The following ELN variants were observed in gnomAD, a reference collection of about 807,000 sequenced individuals.
The protein encoded by ELN is tropoelastin.
Under a neutral mutation model 105.8 loss-of-function variants are expected in ELN, and 65 were observed. That is an observed-to-expected ratio of 0.61 (90% CI 0.50 to 0.75). The LOEUF (loss-of-function observed/expected upper bound fraction) is 0.75. ELN is among the 30% of genes least tolerant of loss of function. ELN has a pLI of 0.00. For synonymous variants in ELN, 368 were observed against 389.2 expected, an observed-to-expected ratio of 0.95 and a Z score of 0.64; for missense variants, 882 against 969.4, an observed-to-expected ratio of 0.91 and a Z score of 1.20.
At chr7:74,056,935 C>A (rs1184815473) in intron 21 of ELN, among the ~76,000 whole-genome samples, 7 of 151,816 alleles carry the variant, frequency 4.6e-5, no homozygotes, top group Non-Finnish European at 1.0e-4. Context: ...CCACCCCCCA[C>A]CCCCAGAATT....
chr7:74,049,927 ATCAATCCACC>A (rs1793580811), intron 15 of ELN, among the ~76,000 whole-genome samples: 3 of 139,162 alleles, frequency 2.2e-5, no homozygotes, highest in Non-Finnish European at 4.6e-5. Context: ...CAATCCATAC[ATCAATCCACC>A]CATCCATCAC....
intron 12 of ELN, among the ~76,000 whole-genome samples, 181 bp downstream of exon 12, chr7:74,046,948 G>A (rs1347718626): frequency 1.3e-5 from 2 of 152,212 alleles, no homozygotes; most frequent in African/African-American, 4.8e-5. Context: ...GCCAGGTGTG[G>A]TGGCATAGGC....
Position 74,043,140 on chromosome 7 carries a change from A to C in ELN, c.399A>C (p.Gly133=). 6.2e-7 allele frequency: 1 copy of C among 1,610,480 alleles called. No individual in the cohort carries two copies. The highest frequency in any genetic ancestry group is 8.5e-7 in the Non-Finnish European group (1 of 1,178,266). ...CAGGTGCGGTGGTTCCTCAGCCTGG[A>C]GCCGGAGTGAAGCCTGGGAAAGTGC... The part of the protein sequence containing the change: ...VSAGAVVPQP[G]AGVKPGKVPG... Residue 133 remains glycine (G), a synonymous_variant, in exon 8 of 33, where the codon GGA becomes GGC. Coordinates refer to ENST00000252034, the MANE Select transcript of ELN (RefSeq NM_000501.4).
rs1554687026 is a variant in ELN at position 74,063,788 on chromosome 7, C to A, written c.1993+93C>A. The A allele has an allele frequency of 1.3e-6, 2 of 1,553,446 alleles. No homozygotes were observed. The highest frequency in any genetic ancestry group is 1.4e-5 in the African/African-American group (1 of 73,448). On this transcript the variant is annotated intron_variant, in intron 29 of 32. Coordinates refer to ENST00000252034, the MANE Select transcript of ELN (RefSeq NM_000501.4). The surrounding 1 kb of genome is among the most constrained non-coding windows in gnomAD (Gnocchi z 4.1). The stretch of plus-strand genomic sequence containing the variant: ...ACAGAGACAGAGACTTTCGTTCCCA[C>A]CCCTGGCACGTCTTTGCTCAAGATG...
At chr7:74,044,880 G>A (rs974630148) in intron 9 of ELN, among the ~76,000 whole-genome samples, 5 of 152,186 alleles carry the variant, frequency 3.3e-5, no homozygotes, top group Non-Finnish European at 5.9e-5. Context: ...CCTGGTCTAC[G>A]GGCGAGTGGC....
chr7:74,056,378 G>A lies in ELN; in HGVS notation c.1258G>A (p.Val420Ile), dbSNP rs782374078. ...CGGAGGTATCCCTGGAGTCGCAGGT[G>A]TCCCTGGTGTCGGAGGTGTTCCCGG... ...GVGGIPGVAG[V>I]PGVGGVPGVG... The change falls in exon 20 of 33, where the codon GTC (valine) becomes ATC (isoleucine). Residue 420 changes from valine (V) to isoleucine (I), a missense_variant. Physicochemically the swap from Val to Ile is conservative, Grantham distance 29. Transcript: ENST00000252034. 1 of 1,613,698 alleles carries A rather than the reference G, an allele frequency of 6.2e-7. No individual in the cohort carries two copies. The highest frequency in any genetic ancestry group is 8.5e-7 in the Non-Finnish European group (1 of 1,179,712).
At position 74,043,738 on chromosome 7, in the gene ELN, C is replaced by T; in HGVS notation, c.428-141C>T. The T allele has an allele frequency of 2.8e-6, 3 of 1,075,956 alleles. No homozygotes were observed. In the East Asian group the frequency reaches 7.7e-5, roughly 28 times the overall value. The allele number at this position is 1,075,956 out of a possible 1,614,324, so 66.7% of individuals were successfully genotyped here. Reference sequence around the variant, plus strand: ...CTCGTGGGAGGAGGGTTGTGGCCACCCCACGTCTGTCCCTGGCTGCCCCTG... The same window carrying T: ...CTCGTGGGAGGAGGGTTGTGGCCACTCCACGTCTGTCCCTGGCTGCCCCTG... On this transcript the variant is annotated intron_variant, in intron 8 of 32. Transcript: ENST00000252034.
At chr7:74,067,566 G>A (rs1188705255) in intron 32 of ELN, among the ~76,000 whole-genome samples, 4 of 151,488 alleles carry the variant, frequency 2.6e-5, no homozygotes, top group East Asian at 2.0e-4. Context: ...ACGTCCGGCC[G>A]TCTCTACTAA....
chr7:74,059,941 T>G lies in ELN; in HGVS notation c.1470T>G (p.Gly490=). 1 of 1,594,444 alleles carries G rather than the reference T, an allele frequency of 6.3e-7. No homozygotes were observed. The highest frequency in any genetic ancestry group is 8.6e-7 in the Non-Finnish European group (1 of 1,162,928). ...GAGTTGGCGTGGCTCCTGGTGTCGG[T>G]GTGGCTCCTGGAGTTGGCTTGGCTC... is the stretch of plus-strand genomic sequence containing the variant. ...APGVGVAPGV[G]VAPGVGLAPG... Residue 490 remains glycine, a synonymous_variant, in exon 23 of 33, where the codon GGT becomes GGG. Transcript: ENST00000252034.
chr7:74,035,254 A>G lies in ELN; in HGVS notation c.83-110A>G, dbSNP rs938974226. ...TGCCATCAGCATTATTCTTGTTTCCATGTAATTGTGGGTTTTGCCATTGAA... is the reference window on the plus strand; with the variant it reads ...TGCCATCAGCATTATTCTTGTTTCCGTGTAATTGTGGGTTTTGCCATTGAA... On this transcript the variant is annotated intron_variant, in intron 1 of 32. Transcript: ENST00000252034. 10 of 1,026,208 alleles carry G rather than the reference A, an allele frequency of 9.7e-6. 1 individual carries two copies. The African/African-American group carries it at 1.4e-4, about 14-fold the overall frequency. The allele number at this position is 1,026,208 out of a possible 1,614,324, so 63.6% of individuals were successfully genotyped here. A position where few individuals can be genotyped will look rare whatever the true frequency, so the allele number is the denominator to read the frequency against.
Position 74,063,776 on chromosome 7 carries a change from C to T in ELN, c.1993+81C>T. On this transcript the variant is annotated intron_variant, in intron 29 of 32. Transcript: ENST00000252034. The surrounding 1 kb of genome is among the most constrained non-coding windows in gnomAD (Gnocchi z 4.1). ...ATGGAGACAGAGACAGAGACAGAGA[C>T]TTTCGTTCCCACCCCTGGCACGTCT... 3 of 1,588,154 alleles carry T rather than the reference C, an allele frequency of 1.9e-6. No homozygotes were observed. The highest frequency in any genetic ancestry group is 8.6e-7 in the Non-Finnish European group (1 of 1,157,732).
At chr7:74,050,455 TTCCA>T (rs373698578) in intron 15 of ELN, among the ~76,000 whole-genome samples, 3 of 145,548 alleles carry the variant, frequency 2.1e-5, no homozygotes, top group Non-Finnish European at 4.5e-5. Context: ...CCATTGATTC[TTCCA>T]TCCATCCATC....
chr7:74,068,924 G>A lies in ELN; in HGVS notation c.*224G>A. ...CTACTTCAGAGGCAAGGGCCATGTG[G>A]TCCTGGCCCCCCACCCCATCCCTTC... On this transcript the variant is annotated 3_prime_UTR_variant, in exon 33 of 33. Coordinates refer to ENST00000252034, the MANE Select transcript of ELN (RefSeq NM_000501.4). The A allele has an allele frequency of 1.7e-6, 1 of 596,258 alleles. No homozygotes were observed. Among genetic ancestry groups the A allele is most frequent in the Non-Finnish European group, 3.0e-6 (1 of 331,790 alleles). The allele number at this position is 596,258 out of a possible 1,614,324, so 36.9% of individuals were successfully genotyped here. A position where few individuals can be genotyped will look rare whatever the true frequency, so the allele number is the denominator to read the frequency against.
At chr7:74,067,946 A>C (rs1798324340) in intron 32 of ELN, among the ~76,000 whole-genome samples, 1 of 150,930 alleles carries the variant, frequency 6.6e-6, no homozygotes, top group Non-Finnish European at 1.5e-5. Context: ...AAAAAAAAAA[A>C]AAAAAAAAAA....
rs782637446 is a variant in ELN at position 74,060,362 on chromosome 7, C to T, written c.1622-14C>T. 2.5e-5 allele frequency: 41 copies of T among 1,614,026 alleles called. No homozygotes were observed. Among genetic ancestry groups the T allele is most frequent in the Non-Finnish European group, 3.4e-5 (40 of 1,180,060 alleles). ...TCCCTGCCTGCTGTCGCCACCACTG[C>T]CCTCTGTCTGCAGGAGCTGCAGCTG... On this transcript the variant is annotated splice_polypyrimidine_tract_variant and intron_variant, in intron 24 of 32. Coordinates refer to ENST00000252034, the MANE Select transcript of ELN (RefSeq NM_000501.4).
intron 1 of ELN, among the ~76,000 whole-genome samples, chr7:74,030,465 A>AT (rs781804483): frequency 0.15 from 21,181 of 141,956 alleles, 1,808 homozygotes; most frequent in African/African-American, 0.23. Flanking sequence ...AGTATCAGGG[A>AT]TTTTTTTTTT....
chr7:74,037,588 C>T lies in ELN; in HGVS notation c.164-119C>T, dbSNP rs1161426356. ...GGTTCCCAGGGGCTCCAAGTCTGAG[C>T]GGGAGGACCTGGGGTGTGTGATTCC... is the stretch of plus-strand genomic sequence containing the variant. On this transcript the variant is annotated intron_variant, in intron 3 of 32. Transcript: ENST00000252034. The T allele has an allele frequency of 1.7e-5, 24 of 1,441,610 alleles. 1 individual carries two copies. The Middle Eastern group carries it at 1.4e-3, about 83-fold the overall frequency. 89.3% of individuals were successfully genotyped at this position (1,441,610 alleles called of 1,614,324 possible). A position where few individuals can be genotyped will look rare whatever the true frequency, so the allele number is the denominator to read the frequency against.
intron 12 of ELN, among the ~76,000 whole-genome samples, chr7:74,047,445 G>T (rs1172545696): frequency 4.6e-5 from 7 of 152,218 alleles, no homozygotes; most frequent in Non-Finnish European, 1.0e-4. Flanking sequence ...AGACTCCAGG[G>T]CCATGATGGG....
chr7:74,067,929 G>A (rs1798307171), intron 32 of ELN, among the ~76,000 whole-genome samples: 1 of 100,670 alleles, frequency 9.9e-6, no homozygotes, highest in Non-Finnish European at 1.7e-5. Flanking sequence ...AGACGATTGC[G>A]TCTCAAAAAA....
Sources: gnomAD v4.1 joint callset for allele counts (sites outside exome capture counted in the v4.1 genomes callset) on GRCh38, gnomAD v4.1.1 for gene constraint, Gnocchi (gnomAD v3.1) non-coding constraint, MANE v1.5 for transcripts, NCBI Gene and HGNC (gene_info 2026-07-23, HGNC 2026-07-21) for gene names.